Variants in ANK3 observed in about 807,000 individuals in gnomAD.
ANK3 encodes the protein ankyrin-3.
In ANK3, 57 loss-of-function variants were observed where a neutral mutation model predicts 370.9. The observed-to-expected ratio is 0.15, with a 90% confidence interval of 0.12 to 0.19. The LOEUF is 0.19. ANK3 is among the 10% of genes least tolerant of loss of function. The pLI is 1.00. For synonymous variants in ANK3, 1,929 were observed against 1,946.3 expected (o/e 0.99, Z 0.23); for missense variants, 4,439 against 5,302.1 (o/e 0.84, Z 5.06).
chr10:60,206,019 G>A, intron 10 of ANK3, 129 bp from the exon 11 acceptor site: 1 of 663,910 alleles, frequency 1.5e-6, no homozygotes, highest in Non-Finnish European at 2.7e-6. Context: ...CCAGGGTTAA[G>A]CAGCATGTAG....
chr10:60,560,077 A>C (rs1336836067), intron 2 of ANK3, among the ~76,000 whole-genome samples: 3 of 152,264 alleles, frequency 2.0e-5, no homozygotes, highest in African/African-American at 4.8e-5. Flanking sequence ...AGAGAGAGAG[A>C]GAGAGATAGA....
intron 21 of ANK3, among the ~76,000 whole-genome samples, chr10:60,168,457 T>G (rs1034356317): frequency 1.3e-5 from 2 of 152,244 alleles, no homozygotes; most frequent in African/African-American, 4.8e-5. Context: ...TGTTTCAGGA[T>G]CCCATCGAGG....
At chr10:60,062,469 A>G (rs1166448303) in intron 40 of ANK3, 5 of 152,238 alleles carry the variant, frequency 3.3e-5, no homozygotes, top group African/African-American at 4.8e-5. Flanking sequence ...TGTTAGTAAC[A>G]TGTATGCCGA....
chr10:60,604,154 G>A (rs1038920195), intron 2 of ANK3, among the ~76,000 whole-genome samples: 1 of 152,090 alleles, frequency 6.6e-6, no homozygotes, highest in South Asian at 2.1e-4. Context: ...GGTAGGTTCC[G>A]AGTCACTGAT....
chr10:60,056,839 T>C (rs1406116163), intron 41 of ANK3, among the ~76,000 whole-genome samples: 1 of 152,070 alleles, frequency 6.6e-6, no homozygotes, highest in Non-Finnish European at 1.5e-5. Flanking sequence ...GCCTGGGTGA[T>C]GTGGTAAAAC....
At chr10:60,034,957 T>C (rs1166114543) in intron 43 of ANK3, among the ~76,000 whole-genome samples, 1 of 152,178 alleles carries the variant, frequency 6.6e-6, no homozygotes, top group Non-Finnish European at 1.5e-5. Flanking sequence ...TACCAATAAG[T>C]AGGGCTTTTT....
rs2095816065 is a variant in ANK3 at position 60,172,399 on chromosome 10, C to G, written c.2387G>C (p.Gly796Ala). ...NASPNELTVN[G>A]NTALGIARRL... The stretch of plus-strand genomic sequence containing the variant: ...CCGGGCAATGCCAAGGGCAGTATTC[C>G]CATTCTGGCAAAAGGAAAATGTGAG... Residue 796 changes from glycine to alanine, a missense_variant, in exon 21 of 44, where the codon GGG becomes GCG. Physicochemically the swap from Gly to Ala is moderately conservative, Grantham distance 60. Transcript: ENST00000280772. 1 of 1,613,604 alleles carries G rather than the reference C, an allele frequency of 6.2e-7. No individual in the cohort carries two copies.
intron 7 of ANK3, among the ~76,000 whole-genome samples, chr10:60,246,271 A>G (rs1021725368): frequency 1.1e-4 from 16 of 148,874 alleles, no homozygotes; most frequent in African/African-American, 3.9e-4. Context: ...AAAAAAAAAA[A>G]AAAAAAAAAA....
chr10:60,480,535 T>G (rs1159394388), intron 2 of ANK3, among the ~76,000 whole-genome samples: 5 of 151,858 alleles, frequency 3.3e-5, no homozygotes, highest in Non-Finnish European at 1.5e-5. Context: ...AAAAATCAAG[T>G]CAATATATTT....
At chr10:60,137,509 T>G (rs984039593) in intron 24 of ANK3, among the ~76,000 whole-genome samples, 1 of 151,940 alleles carries the variant, frequency 6.6e-6, no homozygotes, top group Non-Finnish European at 1.5e-5. Flanking sequence ...ATATTTTACT[T>G]GATAATACTC....
intron 8 of ANK3, among the ~76,000 whole-genome samples, chr10:60,233,960 A>C (rs892844313): frequency 6.6e-6 from 1 of 152,074 alleles, no homozygotes; most frequent in Non-Finnish European, 1.5e-5. Context: ...CATGATTTTC[A>C]CTATTCTAGA....
chr10:60,236,792 A>G (rs2097340758), intron 7 of ANK3, among the ~76,000 whole-genome samples: 1 of 152,222 alleles, frequency 6.6e-6, no homozygotes, highest in Non-Finnish European at 1.5e-5. Context: ...ACAGACCAAT[A>G]TTGCTGTTAC....
chr10:60,260,016 A>C, intron 7 of ANK3, among the ~76,000 whole-genome samples: 1 of 152,250 alleles, frequency 6.6e-6, no homozygotes, highest in East Asian at 1.9e-4. Flanking sequence ...CAGTCATTTA[A>C]ACTGATGAAG....
intron 1 of ANK3, among the ~76,000 whole-genome samples, chr10:60,349,496 T>C (rs533714160): frequency 1.6e-5 from 2 of 126,472 alleles, no homozygotes; most frequent in South Asian, 7.5e-4. Flanking sequence ...ATTCAGTGCA[T>C]CTAGAACCAC....
intron 2 of ANK3, among the ~76,000 whole-genome samples, chr10:60,588,774 G>A (rs958910996): frequency 1.3e-5 from 2 of 152,116 alleles, no homozygotes; most frequent in East Asian, 3.9e-4. Flanking sequence ...GTTGGGCATG[G>A]TTGTGCATGC....
rs146417526 is a variant in ANK3 at position 60,281,958 on chromosome 10, T to C, written c.115-2319A>G. Among the ~76,000 whole-genome samples, 179 of 152,308 alleles carry C rather than the reference T, an allele frequency of 1.2e-3. 2 individuals carry two copies. The East Asian group carries it at 0.033, about 28-fold the overall frequency. Reference sequence around the variant, plus strand: ...AAGGACAAATAAAAGTTTCCAGGGATTTAAAGAAAAACAGAATGCAGTTTT... The same window carrying C: ...AAGGACAAATAAAAGTTTCCAGGGACTTAAAGAAAAACAGAATGCAGTTTT... On this transcript the variant is annotated intron_variant, in intron 1 of 43. Coordinates refer to ENST00000280772, the MANE Select transcript of ANK3 (RefSeq NM_020987.5).
intron 1 of ANK3, among the ~76,000 whole-genome samples, chr10:60,627,821 A>G (rs2078432175): frequency 6.6e-6 from 1 of 152,124 alleles, no homozygotes; most frequent in Non-Finnish European, 1.5e-5. Context: ...ATTTAAATAC[A>G]TTTAATCCTC....
chr10:60,277,093 C>T (rs2098102032), intron 4 of ANK3, among the ~76,000 whole-genome samples: 1 of 152,138 alleles, frequency 6.6e-6, no homozygotes, highest in Non-Finnish European at 1.5e-5. Context: ...AGCAAATATA[C>T]AAGAACCATG....
intron 24 of ANK3, among the ~76,000 whole-genome samples, chr10:60,137,884 A>AT (rs1224841798): frequency 6.6e-6 from 1 of 152,148 alleles, no homozygotes; most frequent in African/African-American, 2.4e-5. Context: ...AAAGTTCTAC[A>AT]TATTTTCCAT....
Sources: allele counts gnomAD v4.1 joint callset (sites outside exome capture counted in the v4.1 genomes callset), GRCh38; gene constraint gnomAD v4.1.1; transcripts MANE v1.5; gene names NCBI Gene and HGNC (gene_info 2026-07-23, HGNC 2026-07-21).